The following CD1B variants were observed in gnomAD, a reference collection of about 807,000 sequenced individuals.
The protein encoded by CD1B is T-cell surface glycoprotein CD1b.
A neutral mutation model predicts 39.8 loss-of-function variants in CD1B; 43 were observed. The observed-to-expected ratio is 1.08, with a 90% confidence interval of 0.85 to 1.39. The LOEUF (loss-of-function observed/expected upper bound fraction) is 1.39. CD1B is among the 40% of genes most tolerant of loss of function. The pLI is 0.00. For missense variants in CD1B, 495 were observed against 403.8 expected, an observed-to-expected ratio of 1.23 and a Z score of -1.94; for synonymous variants, 192 against 152.5, an observed-to-expected ratio of 1.26 and a Z score of -1.91.
chr1:158,317,024 G>C, the CD1B span, among the ~76,000 whole-genome samples: 2 of 151,596 alleles, frequency 1.3e-5, no homozygotes, highest in Non-Finnish European at 2.9e-5. Context: ...GATCATGGTG[G>C]ATAAGCTTTT....
chr1:158,316,892 CT>C, the CD1B span, among the ~76,000 whole-genome samples: 3 of 151,970 alleles, frequency 2.0e-5, no homozygotes, highest in African/African-American at 7.3e-5. Flanking sequence ...TGTCAAAGGT[CT>C]TTTCTGCATC....
At chr1:158,293,485 C>T in the CD1B span, 677 of 1,614,108 alleles carry the variant, frequency 4.2e-4, 3 homozygotes, top group African/African-American at 8.3e-3. Flanking sequence ...GAGACTCTTC[C>T]CCCTGACTCC....
At chr1:158,320,145 AC>A in the CD1B span, among the ~76,000 whole-genome samples, 2 of 152,198 alleles carry the variant, frequency 1.3e-5, no homozygotes, top group African/African-American at 4.8e-5. Flanking sequence ...GGTGGAGCCT[AC>A]AGAGGCAGGC....
At chr1:158,329,044 C>A in intron 4 of CD1B, 30 bp from the exon 5 acceptor site, 1 of 1,544,096 alleles carries the variant, frequency 6.5e-7, no homozygotes, top group South Asian at 1.1e-5. Context: ...AAAAGGATGT[C>A]ACTTCAGATA....
the CD1B span, chr1:158,292,533 G>T: frequency 3.9e-6 from 6 of 1,555,788 alleles, no homozygotes; most frequent in Admixed American, 8.7e-5. Context: ...ATGTGGATGT[G>T]TGTATGTGGA....
chr1:158,329,397 C>G lies in CD1B; in HGVS notation c.859G>C (p.Glu287Gln). Residue 287 changes from glutamate (E) to glutamine (Q), a missense_variant, in exon 4 of 6, where the codon GAG becomes CAG. Transcript: ENST00000368168. ...LSCRVKHSSL[E>Q]GQDIILYWRN... The stretch of plus-strand genomic sequence containing the variant: ...CAGTAGAGGATGATGTCCTGGCCCT[C>G]TAAACTGCTGTGCTTCACCCGACAG... 6.2e-7 allele frequency: 1 copy of G among 1,614,114 alleles called. No homozygotes were observed. The highest frequency in any genetic ancestry group is 8.5e-7 in the Non-Finnish European group (1 of 1,180,006).
chr1:158,329,694 T>C (rs1408932712), intron 3 of CD1B, 46 bp from the exon 4 acceptor site: 1 of 1,597,242 alleles, frequency 6.3e-7, no homozygotes, highest in Non-Finnish European at 8.5e-7. Flanking sequence ...TAACTCGAGT[T>C]CAGAGGTTAT....
chr1:158,312,634 T>C, the CD1B span, among the ~76,000 whole-genome samples: 1 of 152,220 alleles, frequency 6.6e-6, no homozygotes, highest in Non-Finnish European at 1.5e-5. Context: ...GGAATTGTTT[T>C]CTTGATTTAT....
chr1:158,319,228 A>T, the CD1B span, among the ~76,000 whole-genome samples: 4 of 151,240 alleles, frequency 2.6e-5, no homozygotes, highest in African/African-American at 9.7e-5. Context: ...TAGATTGGGG[A>T]AGTTCTCCTG....
At chr1:158,318,187 G>T in the CD1B span, among the ~76,000 whole-genome samples, 5 of 152,092 alleles carry the variant, frequency 3.3e-5, no homozygotes, top group East Asian at 5.8e-4. Context: ...GTCCGCTTGG[G>T]GCAGAGCTGA....
At chr1:158,319,822 A>T in the CD1B span, among the ~76,000 whole-genome samples, 6 of 152,044 alleles carry the variant, frequency 3.9e-5, no homozygotes, top group Non-Finnish European at 7.4e-5. Flanking sequence ...GATGATGGTG[A>T]TGTACAGATG....
the CD1B span, among the ~76,000 whole-genome samples, chr1:158,296,178 C>CA: frequency 1.3e-5 from 2 of 152,036 alleles, no homozygotes; most frequent in Non-Finnish European, 2.9e-5. Flanking sequence ...GGGACCCCCC[C>CA]ACCCTGCCCA....
chr1:158,289,904 G>A, the CD1B span: 1 of 614,778 alleles, frequency 1.6e-6, no homozygotes. Flanking sequence ...TGAGTAGGAG[G>A]ACCAAGGTTG....
At chr1:158,326,714 G>A (rs1652365696), downstream of CD1B, among the ~76,000 whole-genome samples, 1 of 152,072 alleles carries the variant, frequency 6.6e-6, no homozygotes, top group Non-Finnish European at 1.5e-5. Flanking sequence ...TTAATCATGA[G>A]TTGATAATTT....
At position 158,329,884 on chromosome 1, in the gene CD1B, A is replaced by C; in HGVS notation, c.575T>G (p.Leu192Arg). The change falls in exon 3 of 6, where the codon CTC (leucine) becomes CGC (arginine). Residue 192 changes from leucine (L) to arginine (R), a missense_variant. By Grantham distance (102) the Leu-to-Arg change is moderately radical (BLOSUM62 -2). Coordinates refer to ENST00000368168, the MANE Select transcript of CD1B (RefSeq NM_001764.3). ...TTGCAGATCTGCTTTTCCTGCATTGAGGACGCCCAAGAGATATCGGGGGCA... is the reference window on the plus strand; with the variant it reads ...TTGCAGATCTGCTTTTCCTGCATTGCGGACGCCCAAGAGATATCGGGGGCA... ...ETCPRYLLGV[L>R]NAGKADLQRQ... 1 of 1,614,062 alleles carries C rather than the reference A, an allele frequency of 6.2e-7. No individual in the cohort carries two copies. Among genetic ancestry groups the C allele is most frequent in the Non-Finnish European group, 8.5e-7 (1 of 1,179,988 alleles).
At chr1:158,297,949 C>CAA in the CD1B span, among the ~76,000 whole-genome samples, 2,611 of 129,374 alleles carry the variant, frequency 0.02, 49 homozygotes, top group African/African-American at 0.047. Flanking sequence ...TTAAAAAAGA[C>CAA]AAAAAAAAAA....
At chr1:158,320,222 C>A in the CD1B span, among the ~76,000 whole-genome samples, 4 of 152,242 alleles carry the variant, frequency 2.6e-5, no homozygotes, top group Non-Finnish European at 5.9e-5. Flanking sequence ...TTTACCTAAG[C>A]AAGCCTGGGC....
the CD1B span, among the ~76,000 whole-genome samples, chr1:158,311,654 C>T: frequency 2.2e-3 from 341 of 152,202 alleles, 2 homozygotes; most frequent in African/African-American, 8.0e-3. Context: ...GTCTTTAACC[C>T]ATCTTCATTT....
At chr1:158,318,619 T>A in the CD1B span, among the ~76,000 whole-genome samples, 1 of 152,338 alleles carries the variant, frequency 6.6e-6, no homozygotes, top group South Asian at 2.1e-4. Flanking sequence ...CTTTATCCAA[T>A]TTGCCAGTCT....
Sources: gnomAD v4.1 joint callset for allele counts (sites outside exome capture counted in the v4.1 genomes callset) on GRCh38, gnomAD v4.1.1 for gene constraint, MANE v1.5 for transcripts, NCBI Gene and HGNC (gene_info 2026-07-23, HGNC 2026-07-21) for gene names.